DAPK1: variants seen among roughly 807,000 people sequenced by gnomAD.
The protein encoded by DAPK1 is death associated protein kinase 1.
A neutral mutation model predicts 144.9 loss-of-function variants in DAPK1; 56 were observed. That is an observed-to-expected ratio of 0.39 (90% CI 0.31 to 0.48). The LOEUF is 0.48. Among genes scored for constraint, DAPK1 ranks in the 20% least tolerant of loss-of-function variants. The probability of loss-of-function intolerance (pLI) is 0.95; values close to 1 mark genes in which losing one functional copy is unlikely to be tolerated. For missense variants in DAPK1, 1,454 were observed against 1,875.4 expected, an observed-to-expected ratio of 0.78 and a Z score of 4.15; for synonymous variants, 690 against 749.0, an observed-to-expected ratio of 0.92 and a Z score of 1.29.
At position 87,497,907 on chromosome 9, in the gene DAPK1, C is replaced by T. The variant is rs565730073; in HGVS notation, c.-309C>T. ...GAGGACAGCCGGACCGAGCCAACGC[C>T]GGGGACTTTGTTCCCTCCGCGGAGG... On this transcript the variant is annotated 5_prime_UTR_variant, in exon 1 of 26. Transcript: ENST00000408954. 3.7e-3 allele frequency: 1,470 copies of T among 395,258 alleles called. 11 individuals carry two copies. The highest frequency in any genetic ancestry group is 2.8e-3 in the Non-Finnish European group (621 of 224,382). 24.5% of individuals were successfully genotyped at this position (395,258 alleles called of 1,614,324 possible). A position where few individuals can be genotyped will look rare whatever the true frequency, so the allele number is the denominator to read the frequency against.
At chr9:87,662,967 G>GC (rs1830917103) in intron 18 of DAPK1, among the ~76,000 whole-genome samples, 1 of 151,958 alleles carries the variant, frequency 6.6e-6, no homozygotes, top group Non-Finnish European at 1.5e-5. Flanking sequence ...CTAGGGAGGG[G>GC]CCTCTGGTCT....
At position 87,619,118 on chromosome 9, in the gene DAPK1, C is replaced by G. The variant is rs112532346; in HGVS notation, c.284+13943C>G. On this transcript the variant is annotated intron_variant, in intron 3 of 25. Coordinates refer to ENST00000408954, the MANE Select transcript of DAPK1 (RefSeq NM_004938.4). ...CCATTGCCAGATCACACCTGTTCCC[C>G]TGTAGAACTCCTACTCATCCATCAA... Among the ~76,000 whole-genome samples the G allele has an allele frequency of 5.8e-4, 89 of 152,230 alleles. 1 individual carries two copies. The highest frequency in any genetic ancestry group is 2.1e-3 in the African/African-American group (88 of 41,536).
chr9:87,669,350 G>A (rs533155112), intron 19 of DAPK1, among the ~76,000 whole-genome samples: 1 of 147,556 alleles, frequency 6.8e-6, no homozygotes, highest in Non-Finnish European at 1.5e-5. Context: ...GGGTGGGGGG[G>A]GGTCACTGGG....
At chr9:87,547,133 G>T (rs895779923) in intron 2 of DAPK1, among the ~76,000 whole-genome samples, 5 of 152,076 alleles carry the variant, frequency 3.3e-5, no homozygotes, top group Non-Finnish European at 7.4e-5. Flanking sequence ...CCCCAGCCTG[G>T]GTGACAGAGC....
chr9:87,510,769 G>T (rs750368445), intron 2 of DAPK1, among the ~76,000 whole-genome samples: 14 of 152,184 alleles, frequency 9.2e-5, no homozygotes, highest in Non-Finnish European at 1.9e-4. Flanking sequence ...CCAAATCCCT[G>T]TCTCCACAAA....
chr9:87,597,563 C>G (rs1188200116), intron 2 of DAPK1, among the ~76,000 whole-genome samples: 2 of 152,080 alleles, frequency 1.3e-5, no homozygotes, highest in Non-Finnish European at 2.9e-5. Flanking sequence ...TAATTTTCAT[C>G]CTTTCCATGT....
intron 2 of DAPK1, among the ~76,000 whole-genome samples, chr9:87,526,161 A>G (rs1825500558): frequency 6.6e-6 from 1 of 151,804 alleles, no homozygotes; most frequent in African/African-American, 2.4e-5. Context: ...AAAAAAAAAA[A>G]CAGAAGGAAA....
intron 2 of DAPK1, among the ~76,000 whole-genome samples, chr9:87,528,219 CTTTT>C (rs35842498): frequency 3.6e-5 from 5 of 140,524 alleles, no homozygotes; most frequent in Admixed American, 7.1e-5. Flanking sequence ...TTCTTTCTTT[CTTTT>C]TTTTTTTTTT....
At chr9:87,652,066 C>T (rs1269106630) in intron 17 of DAPK1, among the ~76,000 whole-genome samples, 1 of 143,208 alleles carries the variant, frequency 7.0e-6, no homozygotes, top group African/African-American at 2.6e-5. Flanking sequence ...TCTGTGTTCT[C>T]TCACCTGAAC....
At chr9:87,650,762 G>T (rs746675609) in intron 16 of DAPK1, among the ~76,000 whole-genome samples, 3 of 152,200 alleles carry the variant, frequency 2.0e-5, no homozygotes, top group Non-Finnish European at 4.4e-5. Context: ...AATGTCTGGG[G>T]ATACTTTCTG....
chr9:87,580,875 C>A (rs766937549), intron 2 of DAPK1, among the ~76,000 whole-genome samples: 12 of 152,156 alleles, frequency 7.9e-5, no homozygotes, highest in Non-Finnish European at 1.8e-4. Context: ...GGTCTGTCAG[C>A]ATGTGGGGAC....
At chr9:87,678,171 C>G (rs1824470010) in intron 19 of DAPK1, among the ~76,000 whole-genome samples, 1 of 152,206 alleles carries the variant, frequency 6.6e-6, no homozygotes, top group African/African-American at 2.4e-5. Flanking sequence ...GTGGCCTCCA[C>G]CCCAGCTGCC....
chr9:87,526,270 G>T (rs747669284), intron 2 of DAPK1, among the ~76,000 whole-genome samples: 1 of 152,160 alleles, frequency 6.6e-6, no homozygotes, highest in African/African-American at 2.4e-5. Context: ...CAATCAGGAC[G>T]TATAATAGTT....
chr9:87,542,524 G>A (rs1488493067), intron 2 of DAPK1, among the ~76,000 whole-genome samples: 1 of 152,124 alleles, frequency 6.6e-6, no homozygotes, highest in African/African-American at 2.4e-5. Context: ...TGTGCCATAG[G>A]GATTCTGGCT....
chr9:87,630,634 G>C (rs1274192127), intron 3 of DAPK1, among the ~76,000 whole-genome samples: 2 of 152,316 alleles, frequency 1.3e-5, no homozygotes, highest in African/African-American at 4.8e-5. Context: ...CTGGCTAGAA[G>C]TAGTCCTGGA....
At chr9:87,614,843 T>C (rs1829043153) in intron 3 of DAPK1, among the ~76,000 whole-genome samples, 1 of 152,156 alleles carries the variant, frequency 6.6e-6, no homozygotes, top group Admixed American at 6.5e-5. Flanking sequence ...ACTGCCTGTT[T>C]GGTGGTCAGG....
intron 2 of DAPK1, among the ~76,000 whole-genome samples, chr9:87,534,464 G>A (rs544848586): frequency 6.6e-5 from 10 of 152,020 alleles, no homozygotes; most frequent in Non-Finnish European, 1.2e-4. Flanking sequence ...TTTATTTTGA[G>A]TTATTAGTAG....
chr9:87,577,577 C>T (rs532085334), intron 2 of DAPK1, among the ~76,000 whole-genome samples: 1 of 152,280 alleles, frequency 6.6e-6, no homozygotes, highest in Non-Finnish European at 1.5e-5. Context: ...GATGGTGGAT[C>T]ACTTGAGGTC....
rs36232609 is a variant in DAPK1, at chr9:87,565,612, G to A, written c.63-39342G>A. Among the ~76,000 whole-genome samples, 1,418 of 152,228 alleles carry A rather than the reference G, an allele frequency of 9.3e-3. 21 individuals are homozygous for A. The highest frequency in any genetic ancestry group is 0.033 in the African/African-American group (1,358 of 41,516). On this transcript the variant is annotated intron_variant, in intron 2 of 25. Transcript: ENST00000408954. ...GGCTGAATGTTGTGATGTTCTTTCT[G>A]CCTAGAAGAGAAGTAAAATGATGAG...
Sources: gnomAD v4.1 joint callset for allele counts (sites outside exome capture counted in the v4.1 genomes callset) on GRCh38, gnomAD v4.1.1 for gene constraint, MANE v1.5 for transcripts, NCBI Gene and HGNC (gene_info 2026-07-23, HGNC 2026-07-21) for gene names.